Variants in DPF1 observed in about 807,000 individuals in gnomAD.
DPF1 encodes the protein double PHD fingers 1.
Under a neutral mutation model 58.7 loss-of-function variants are expected in DPF1, and 14 were observed. That is an observed-to-expected ratio of 0.24 (90% CI 0.16 to 0.37). The LOEUF (loss-of-function observed/expected upper bound fraction) is 0.37, where lower values mean the gene tolerates loss of function less well. Among genes scored for constraint, DPF1 ranks in the 10% least tolerant of loss-of-function variants. The pLI, the probability that DPF1 is intolerant of heterozygous loss-of-function variation, is 1.00. For synonymous variants in DPF1, 216 were observed against 216.0 expected, an observed-to-expected ratio of 1.00 and a Z score of 0.00; for missense variants, 345 against 529.9, an observed-to-expected ratio of 0.65 and a Z score of 3.43.
upstream of DPF1, among the ~76,000 whole-genome samples, chr19:38,226,882 G>A (rs1432178692): frequency 2.6e-5 from 4 of 151,906 alleles, no homozygotes; most frequent in African/African-American, 9.7e-5. Context: ...CTCTCATGTC[G>A]ATTTGATTAA....
chr19:38,217,615 G>A, intron 6 of DPF1, 24 bp from the exon 7 acceptor site: 1 of 1,538,386 alleles, frequency 6.5e-7, no homozygotes. Context: ...GAGCCAGGAG[G>A]GCCTGTCAGC....
Position 38,212,109 on chromosome 19 carries a change from A to G in DPF1, c.1118T>C (p.Leu373Pro). The G allele has an allele frequency of 6.2e-7, 1 of 1,611,996 alleles. No homozygotes were observed. The highest frequency in any genetic ancestry group is 8.5e-7 in the Non-Finnish European group (1 of 1,179,678). ...AGAAGCCTTTTCCTTCAGGTGCCGG[A>G]GACAGAGGTGACAGCTCCAGCTCCC... ...PEGSWSCHLC[L>P]RHLKEKASAY... Residue 373 changes from leucine (L) to proline (P), a missense_variant, in exon 12 of 12, where the codon CTC (leucine) becomes CCC (proline). Leu to Pro is a moderately conservative substitution (Grantham distance 98, BLOSUM62 -3). Transcript: ENST00000355526.
intron 3 of DPF1, among the ~76,000 whole-genome samples, chr19:38,220,882 G>A (rs971541333): frequency 2.2e-4 from 34 of 152,112 alleles, no homozygotes; most frequent in African/African-American, 7.2e-4. Flanking sequence ...AACTGACCCC[G>A]AGGATCCCGA....
chr19:38,212,395 G>GTGCCCGTGCCCCCA, intron 10 of DPF1, 34 bp from the exon 11 acceptor site: 1 of 1,245,548 alleles, frequency 8.0e-7, no homozygotes, highest in Non-Finnish European at 1.1e-6. Context: ...TGGCACCCTG[G>GTGCCCGTGCCCCCA]GGGCACGGGC....
In DPF1 at chr19:38,211,750, G is replaced by C. The variant is rs1973436930; in HGVS notation, c.*313C>G. 1 of 382,814 alleles carries C rather than the reference G, an allele frequency of 2.6e-6. No individual in the cohort carries two copies. Among genetic ancestry groups the C allele is most frequent in the African/African-American group, 2.2e-5 (1 of 46,278 alleles). The allele number at this position is 382,814 out of a possible 1,614,324, so 23.7% of individuals were successfully genotyped here. A position where few individuals can be genotyped will look rare whatever the true frequency, so the allele number is the denominator to read the frequency against. On this transcript the variant is annotated 3_prime_UTR_variant, in exon 12 of 12. Transcript: ENST00000355526. The surrounding 1 kb of genome is among the most constrained non-coding windows in gnomAD (Gnocchi z 4.0). ...GTCTTTTTCTTTAGAAAAAGGCTCT[G>C]TCCATGCCCCTGGCTGGCACCCACC... is the stretch of plus-strand genomic sequence containing the variant.
upstream of DPF1, chr19:38,224,324 G>C (rs1967720583): frequency 8.0e-7 from 1 of 1,246,248 alleles, no homozygotes; most frequent in African/African-American, 1.6e-5. This position sits in a 1 kb window ranked among gnomAD's most constrained non-coding sequence, Gnocchi z 4.5. Flanking sequence ...CCAGGCCAGG[G>C]GGCCCCCGGG....
Position 38,216,096 on chromosome 19 carries a change from T to G in DPF1, c.898+44A>C, listed in dbSNP as rs376011446. The G allele has an allele frequency of 1.0e-5, 16 of 1,575,576 alleles. No individual in the cohort carries two copies. The African/African-American group carries it at 2.2e-4, about 21-fold the overall frequency. ...CCCTCCAGGTCTGCACTCCTGAATG[T>G]CCTCTGCACCCGGCCCCCAGAAACC... On this transcript the variant is annotated intron_variant, in intron 9 of 11. Transcript: ENST00000355526.
chr19:38,217,772 C>T lies in DPF1; in HGVS notation c.595+26G>A, dbSNP rs755728378. On this transcript the variant is annotated intron_variant, in intron 6 of 11. Coordinates refer to ENST00000355526, the MANE Select transcript of DPF1 (RefSeq NM_001135155.3). ...AGTCTCTGGGCACCCCTCTCTCTGC[C>T]TTTCCCCCTCTTCAGAAGGACTCAC... 6.8e-6 allele frequency: 11 copies of T among 1,613,744 alleles called. No individual in the cohort carries two copies. In the South Asian group the frequency reaches 1.1e-4, roughly 16 times the overall value.
rs1469365439 is a variant in DPF1, at chr19:38,229,522, G to T, written c.-132+37C>A. 2.7e-6 allele frequency: 3 copies of T among 1,128,522 alleles called. No individual in the cohort carries two copies. The highest frequency in any genetic ancestry group is 7.9e-5 in the East Asian group (2 of 25,456). 69.9% of individuals were successfully genotyped at this position (1,128,522 alleles called of 1,614,324 possible). On this transcript the variant is annotated intron_variant, in intron 1 of 11. Coordinates refer to the DPF1 transcript ENST00000412732. This position sits in a 1 kb window ranked among gnomAD's most constrained non-coding sequence, Gnocchi z 5.3. ...GCGGGGGAAGGGCTCCTGGTGGGGG[G>T]GTCTGGACAGGGGGCGGGGACGGCA... is the stretch of plus-strand genomic sequence containing the variant.
chr19:38,213,854 C>T (rs1973649991), intron 9 of DPF1, 98 bp from the exon 10 acceptor site: 3 of 1,018,028 alleles, frequency 2.9e-6, no homozygotes, highest in Admixed American at 2.5e-5. Flanking sequence ...ACCCCTGGCT[C>T]ATGACGCCAG....
At chr19:38,227,082 T>C (rs1056107542), upstream of DPF1, among the ~76,000 whole-genome samples, 7 of 150,716 alleles carry the variant, frequency 4.6e-5, no homozygotes, top group East Asian at 3.9e-4. Flanking sequence ...TTTCTCTTTT[T>C]CTCTTTTTTT....
chr19:38,221,644 C>T (rs758021308), intron 3 of DPF1, among the ~76,000 whole-genome samples: 11 of 152,094 alleles, frequency 7.2e-5, no homozygotes, highest in South Asian at 2.1e-4. Context: ...TATCACTATG[C>T]CCTCCAATAC....
Position 38,224,020 on chromosome 19 carries a change from A to C in DPF1, c.29+94T>G. 7.3e-7 allele frequency: 1 copy of C among 1,372,444 alleles called. No homozygotes were observed. The highest frequency in any genetic ancestry group is 2.1e-4 in the Middle Eastern group (1 of 4,878). The allele number at this position is 1,372,444 out of a possible 1,614,324, so 85.0% of individuals were successfully genotyped here. ...CCCGCACTCGGTGACAGCCCCCCAG[A>C]CACCCCTTCGGCCCCACCCCCGGTC... On this transcript the variant is annotated intron_variant, in intron 1 of 11. Transcript: ENST00000355526. The surrounding 1 kb of genome is among the most constrained non-coding windows in gnomAD (Gnocchi z 4.5).
chr19:38,224,822 C>A (rs767029958), upstream of DPF1, among the ~76,000 whole-genome samples: 1 of 152,224 alleles, frequency 6.6e-6, no homozygotes, highest in Non-Finnish European at 1.5e-5. The surrounding 1 kb of genome is among the most constrained non-coding windows in gnomAD (Gnocchi z 4.5). Flanking sequence ...CTAGCTCTGC[C>A]ACTTGGTGGC....
At chr19:38,226,471 C>A (rs988011095), upstream of DPF1, among the ~76,000 whole-genome samples, 3 of 149,746 alleles carry the variant, frequency 2.0e-5, no homozygotes, top group African/African-American at 7.4e-5. Flanking sequence ...GAGAGAGATC[C>A]AGTCAAGGCC....
upstream of DPF1, among the ~76,000 whole-genome samples, chr19:38,224,577 TAA>T (rs892783365): frequency 1.3e-5 from 2 of 151,958 alleles, no homozygotes; most frequent in Non-Finnish European, 2.9e-5. The surrounding 1 kb of genome is among the most constrained non-coding windows in gnomAD (Gnocchi z 4.5). Flanking sequence ...ACTGCAATAC[TAA>T]GAGACGCAGA....
intron 7 of DPF1, among the ~76,000 whole-genome samples, chr19:38,217,075 A>C (rs1194587101): frequency 6.6e-6 from 1 of 151,896 alleles, no homozygotes; most frequent in Non-Finnish European, 1.5e-5. Context: ...CCCATCCTTC[A>C]GCTGTCAGAA....
intron 6 of DPF1, 29 bp from the exon 7 acceptor site, chr19:38,217,620 G>A: frequency 6.5e-7 from 1 of 1,536,676 alleles, no homozygotes; most frequent in Non-Finnish European, 8.8e-7. Flanking sequence ...AGGAGGGCCT[G>A]TCAGCCCCTC....
At chr19:38,218,047 G>T (rs1967169161) in intron 5 of DPF1, among the ~76,000 whole-genome samples, 171 bp from the exon 6 acceptor site, 3 of 152,018 alleles carry the variant, frequency 2.0e-5, no homozygotes, top group Non-Finnish European at 4.4e-5. Flanking sequence ...ACTAAAAATA[G>T]AAAAATTAGC....
Sources: gnomAD v4.1 joint callset for allele counts (sites outside exome capture counted in the v4.1 genomes callset) on GRCh38, gnomAD v4.1.1 for gene constraint, Gnocchi (gnomAD v3.1) non-coding constraint, MANE v1.5 for transcripts, NCBI Gene and HGNC (gene_info 2026-07-23, HGNC 2026-07-21) for gene names.